The following PPP1R1C variants were observed in gnomAD, a reference collection of about 807,000 sequenced individuals.
PPP1R1C encodes protein phosphatase 1 regulatory subunit 1C.
In PPP1R1C, 15 loss-of-function variants were observed where a neutral mutation model predicts 17.4. The ratio of observed to expected loss-of-function variants is 0.86; its 90% CI spans 0.58 to 1.33. The LOEUF (loss-of-function observed/expected upper bound fraction) is 1.33, where lower values mean the gene tolerates loss of function less well. Ranked by LOEUF, PPP1R1C falls within the 40% of genes most tolerant of loss-of-function variation. PPP1R1C has a pLI of 0.00. For missense variants in PPP1R1C, 143 were observed against 130.0 expected (o/e 1.10, Z -0.48); for synonymous variants, 35 against 43.1 (o/e 0.81, Z 0.73).
intron 1 of PPP1R1C, among the ~76,000 whole-genome samples, chr2:181,972,739 C>G (rs2368226): frequency 6.6e-6 from 1 of 152,036 alleles, no homozygotes; most frequent in Non-Finnish European, 1.5e-5. Context: ...GCCTGAGGTG[C>G]GCCTAGAAAA....
At position 182,081,273 on chromosome 2, in the gene PPP1R1C, C is replaced by T. The variant is rs151288182; in HGVS notation, c.241+17482C>T. On this transcript the variant is annotated intron_variant, in intron 4 of 4. Transcript: ENST00000682840. ...TTATACAAAAGGGGGTTAAAGGGAA[C>T]GAGAAAAAGCACACAGTAAGCATTC... 1.7e-4 allele frequency among the ~76,000 whole-genome samples: 26 copies of T among 152,150 alleles called. No homozygotes were observed. In the East Asian group the frequency reaches 4.2e-3, roughly 25 times the overall value.
intron 2 of PPP1R1C, among the ~76,000 whole-genome samples, chr2:182,043,056 A>T (rs139341404): frequency 1.6e-3 from 251 of 152,348 alleles, no homozygotes; most frequent in Non-Finnish European, 3.0e-3. Context: ...AAAAATTTTT[A>T]AAAAATTGAC....
intron 5 of PPP1R1C, among the ~76,000 whole-genome samples, chr2:182,128,292 A>G (rs2125244024): frequency 6.6e-6 from 1 of 152,240 alleles, no homozygotes; most frequent in African/African-American, 2.4e-5. Context: ...GTAATATTGC[A>G]AAAGGTAGCG....
intron 1 of PPP1R1C, among the ~76,000 whole-genome samples, chr2:181,956,379 A>G (rs1211387723): frequency 1.3e-5 from 2 of 152,214 alleles, no homozygotes; most frequent in Non-Finnish European, 2.9e-5. Flanking sequence ...GTGTCTTTAT[A>G]GTAGAATGAT....
At chr2:182,045,384 A>G (rs1367898885) in intron 2 of PPP1R1C, among the ~76,000 whole-genome samples, 1 of 152,092 alleles carries the variant, frequency 6.6e-6, no homozygotes, top group African/African-American at 2.4e-5. Context: ...AAACTTATAG[A>G]AAGTGAAATA....
intron 2 of PPP1R1C, among the ~76,000 whole-genome samples, chr2:182,030,330 C>G (rs920240948): frequency 6.6e-6 from 1 of 152,078 alleles, no homozygotes; most frequent in African/African-American, 2.4e-5. Flanking sequence ...TGTTTTTTCC[C>G]CATCTTTGTG....
chr2:182,024,646 C>T (rs1686536439), intron 2 of PPP1R1C, among the ~76,000 whole-genome samples: 1 of 151,874 alleles, frequency 6.6e-6, no homozygotes, highest in Non-Finnish European at 1.5e-5. Context: ...TTCCTGAGCT[C>T]AGGAGTTCGA....
chr2:182,078,413 T>C lies in PPP1R1C; in HGVS notation c.241+14622T>C, dbSNP rs1574433548. On this transcript the variant is annotated intron_variant, in intron 4 of 4. Transcript: ENST00000682840. ...ACAACCGTAACCAAAGTGAGCTTCA[T>C]GAGTCTATCAGCCCCACATTAACAG... Among the ~76,000 whole-genome samples, 3 of 152,152 alleles carry C rather than the reference T, an allele frequency of 2.0e-5. No homozygotes were observed. The South Asian group carries it at 6.2e-4, about 32-fold the overall frequency.
At chr2:182,057,054 G>A (rs377636462) in intron 2 of PPP1R1C, among the ~76,000 whole-genome samples, 40 of 152,276 alleles carry the variant, frequency 2.6e-4, no homozygotes, top group African/African-American at 9.6e-4. Flanking sequence ...GCAAATAATT[G>A]CACTACTATT....
chr2:182,022,725 G>A (rs1233441801), intron 2 of PPP1R1C, among the ~76,000 whole-genome samples: 1 of 152,160 alleles, frequency 6.6e-6, no homozygotes, highest in East Asian at 1.9e-4. Context: ...AGAAGCTTGA[G>A]AGACCATTAG....
At chr2:182,009,855 T>C (rs890949271) in intron 2 of PPP1R1C, among the ~76,000 whole-genome samples, 7 of 152,076 alleles carry the variant, frequency 4.6e-5, no homozygotes, top group African/African-American at 1.2e-4. Flanking sequence ...ATCCAGTTTT[T>C]CCAGAACTAA....
At chr2:182,125,794 C>G (rs574675008) in intron 5 of PPP1R1C, among the ~76,000 whole-genome samples, 1 of 151,906 alleles carries the variant, frequency 6.6e-6, no homozygotes, top group East Asian at 1.9e-4. Context: ...TCTTTTCTTC[C>G]TTATTAGTCT....
intron 5 of PPP1R1C, among the ~76,000 whole-genome samples, chr2:182,126,934 C>G (rs2125243469): frequency 6.6e-6 from 1 of 152,116 alleles, no homozygotes; most frequent in African/African-American, 2.4e-5. Context: ...TTGGATTCAT[C>G]TTTGTTTTTA....
At chr2:182,056,252 A>AAGTTCTAGTTCT (rs1344065081) in intron 2 of PPP1R1C, among the ~76,000 whole-genome samples, 2 of 152,194 alleles carry the variant, frequency 1.3e-5, no homozygotes, top group Non-Finnish European at 2.9e-5. Flanking sequence ...TTCTGCTGAG[A>AAGTTCTAGTTCT]GATTAGAAGT....
chr2:182,041,368 G>GGATTT (rs1223782967), intron 2 of PPP1R1C, among the ~76,000 whole-genome samples: 1 of 152,090 alleles, frequency 6.6e-6, no homozygotes, highest in Non-Finnish European at 1.5e-5. Flanking sequence ...CAGCATTTTG[G>GGATTT]GAGGCCAAGG....
At chr2:182,124,339 G>GTTTTTTTTTTTTTT (rs1378403544) in intron 5 of PPP1R1C, among the ~76,000 whole-genome samples, 5 of 52,164 alleles carry the variant, frequency 9.6e-5, no homozygotes, top group African/African-American at 2.6e-4. Flanking sequence ...TTTTTTTTTT[G>GTTTTTTTTTTTTTT]TTTTTTTTTT....
At chr2:182,065,240 G>T (rs1276038752) in intron 4 of PPP1R1C, among the ~76,000 whole-genome samples, 3 of 151,852 alleles carry the variant, frequency 2.0e-5, no homozygotes, top group Non-Finnish European at 2.9e-5. Context: ...AGGATATCAG[G>T]GTATTACTAC....
chr2:181,974,798 A>C (rs1685067628), intron 1 of PPP1R1C, among the ~76,000 whole-genome samples: 8 of 152,244 alleles, frequency 5.3e-5, no homozygotes, highest in Admixed American at 5.2e-4. Flanking sequence ...GTAGTTAGGC[A>C]GCAGTAGCTG....
intron 1 of PPP1R1C, among the ~76,000 whole-genome samples, chr2:181,971,324 C>T (rs1038216046): frequency 1.3e-5 from 2 of 152,124 alleles, no homozygotes; most frequent in African/African-American, 2.4e-5. Flanking sequence ...TTCAAGGCAG[C>T]GAGTTTCCTT....
Sources: allele counts gnomAD v4.1 joint callset (sites outside exome capture counted in the v4.1 genomes callset), GRCh38; gene constraint gnomAD v4.1.1; transcripts MANE v1.5; gene names NCBI Gene and HGNC (gene_info 2026-07-23, HGNC 2026-07-21).